The following LZTR1 variants were observed in gnomAD, a reference collection of about 807,000 sequenced individuals.
LZTR1 encodes the protein leucine-zipper-like transcriptional regulator 1.
A neutral mutation model predicts 105.7 loss-of-function variants in LZTR1; 260 were observed. That is an observed-to-expected ratio of 2.46 (90% CI 2.22 to 2.72). LZTR1 has a LOEUF of 2.72. Ranked by LOEUF, LZTR1 falls within the 30% of genes most tolerant of loss-of-function variation. LZTR1 has a pLI of 0.00. For missense variants in LZTR1, 1,214 were observed against 1,166.9 expected, an observed-to-expected ratio of 1.04 and a Z score of -0.59; for synonymous variants, 490 against 476.4, an observed-to-expected ratio of 1.03 and a Z score of -0.37.
Position 20,991,752 on chromosome 22 carries a change from A to T in LZTR1, c.916A>T (p.Thr306Ser). Residue 306 changes from threonine to serine, a missense_variant, in exon 9 of 21, where the codon ACG (threonine) becomes TCG (serine). Coordinates refer to ENST00000646124, the MANE Select transcript of LZTR1 (RefSeq NM_006767.4). ...LYVFGGAADN[T>S]LPNELHCYDV... ...TGTGTTTGGGGGTGCGGCCGACAAC[A>T]CGCTGCCCAACGAGCTGCACTGCTA... 1 of 1,562,488 alleles carries T rather than the reference A, an allele frequency of 6.4e-7. No individual in the cohort carries two copies. The highest frequency in any genetic ancestry group is 8.7e-7 in the Non-Finnish European group (1 of 1,153,218).
At chr22:20,983,973 T>G (rs1838348179) in intron 2 of LZTR1, among the ~76,000 whole-genome samples, 1 of 152,242 alleles carries the variant, frequency 6.6e-6, no homozygotes, top group Non-Finnish European at 1.5e-5. Flanking sequence ...CTGCTGCTCC[T>G]CTGCCCTCAG....
chr22:20,992,507 G>C, intron 10 of LZTR1, 138 bp downstream of exon 10: 1 of 1,028,164 alleles, frequency 9.7e-7, no homozygotes, highest in Non-Finnish European at 1.4e-6. Context: ...ACAGGGCCAA[G>C]GGCCCTCACC....
rs1194053386 is a variant in LZTR1 at position 20,989,608 on chromosome 22, G to A, written c.594-17G>A. 6.2e-7 allele frequency: 1 copy of A among 1,611,974 alleles called. No homozygotes were observed. Among genetic ancestry groups the A allele is most frequent in the Non-Finnish European group, 8.5e-7 (1 of 1,178,444 alleles). ...CCACCAGACCCAAGGGGTCCTCACT[G>A]GTCTGTCCTAATACAGGTTGAATGA... On this transcript the variant is annotated splice_polypyrimidine_tract_variant and intron_variant, in intron 6 of 20. Coordinates refer to ENST00000646124, the MANE Select transcript of LZTR1 (RefSeq NM_006767.4).
rs760641322 is a variant in LZTR1 at position 20,990,851 on chromosome 22, G to A, written c.791+326G>A. On this transcript the variant is annotated intron_variant, in intron 8 of 20. Coordinates refer to ENST00000646124, the MANE Select transcript of LZTR1 (RefSeq NM_006767.4). ...CCTGCATAGATCTCAAATAATGGCA[G>A]AAGACCAGAGGGGCCTGCAGGTCCT... 9 of 254,932 alleles carry A rather than the reference G, an allele frequency of 3.5e-5. No individual in the cohort carries two copies. The South Asian group carries it at 4.0e-4, about 11-fold the overall frequency. 15.8% of individuals were successfully genotyped at this position (254,932 alleles called of 1,614,324 possible). A position where few individuals can be genotyped will look rare whatever the true frequency, so the allele number is the denominator to read the frequency against.
chr22:20,997,021 C>T, intron 20 of LZTR1, 55 bp downstream of exon 20: 1 of 1,579,040 alleles, frequency 6.3e-7, no homozygotes. Flanking sequence ...GTGGCCATGC[C>T]CAGGCAGGGA....
intron 2 of LZTR1, among the ~76,000 whole-genome samples, chr22:20,985,138 G>A (rs1180384848): frequency 7.0e-6 from 1 of 143,430 alleles, no homozygotes; most frequent in Non-Finnish European, 1.5e-5. Context: ...TTGGCTCACT[G>A]CAACCTCTGC....
chr22:20,986,202 C>CAA (rs1924374236), intron 3 of LZTR1: 5 of 298,398 alleles, frequency 1.7e-5, no homozygotes, highest in Non-Finnish European at 3.1e-5. Flanking sequence ...TCTTTTCTCT[C>CAA]ACACTTGATT....
chr22:20,982,624 C>G (rs1036006344), intron 1 of LZTR1, 53 bp downstream of exon 1: 3 of 1,568,590 alleles, frequency 1.9e-6, no homozygotes, highest in South Asian at 1.1e-5. Flanking sequence ...CTGCGAGGGT[C>G]CCAGGGCGGG....
At chr22:20,983,243 C>T (rs1318997032) in intron 2 of LZTR1, 154 bp downstream of exon 2, 3 of 673,534 alleles carry the variant, frequency 4.5e-6, no homozygotes, top group Non-Finnish European at 8.0e-6. Flanking sequence ...GCACTCACCT[C>T]CCTGGTCGTG....
At position 20,996,672 on chromosome 22, in the gene LZTR1, G is replaced by A. The variant is rs55666489; in HGVS notation, c.2220-24G>A. On this transcript the variant is annotated intron_variant, in intron 18 of 20. Transcript: ENST00000646124. ...GGTGCGGGCGGACCAGCTTCCTTTA[G>A]TCAGCTCCTTAACCAGGCCCCAGCT... 5.0e-6 allele frequency: 8 copies of A among 1,608,028 alleles called. No homozygotes were observed. Among genetic ancestry groups the A allele is most frequent in the Non-Finnish European group, 6.8e-6 (8 of 1,175,164 alleles).
At chr22:20,987,654 C>T in intron 4 of LZTR1, 71 bp downstream of exon 4, 1 of 1,387,810 alleles carries the variant, frequency 7.2e-7, no homozygotes, top group South Asian at 1.2e-5. Context: ...TTCTGCAGGC[C>T]TGGGGCATTT....
intron 20 of LZTR1, 67 bp from the exon 21 acceptor site, chr22:20,997,165 C>A: frequency 8.2e-7 from 1 of 1,221,890 alleles, no homozygotes; most frequent in South Asian, 1.2e-5. Flanking sequence ...CCCCACAGGG[C>A]TCCACTGCCC....
In LZTR1 at chr22:20,994,852, T is replaced by C; in HGVS notation, c.1786-18T>C. ...CCTGGCTTGACTCTGCCTGCCTGCC[T>C]GTGCCTGTCTGCCCCAGGAGCACTG... On this transcript the variant is annotated intron_variant, in intron 15 of 20. Coordinates refer to ENST00000646124, the MANE Select transcript of LZTR1 (RefSeq NM_006767.4). 3 of 1,612,468 alleles carry C rather than the reference T, an allele frequency of 1.9e-6. No homozygotes were observed. The highest frequency in any genetic ancestry group is 2.5e-6 in the Non-Finnish European group (3 of 1,179,566).
rs199586863 is a variant in LZTR1, at chr22:20,996,793, G to A, written c.2317G>A (p.Val773Met). ...NLEMNVTVQN[V>M]LQILEAADKT... is the part of the protein sequence containing the mutation. ...GGAGATGAACGTGACGGTGCAGAACGTGCTGCAGGTAGCCCCCCAGCCCCG... is the reference window on the plus strand; with the variant it reads ...GGAGATGAACGTGACGGTGCAGAACATGCTGCAGGTAGCCCCCCAGCCCCG... The change falls in exon 19 of 21, where the codon GTG (valine) becomes ATG (methionine). Residue 773 changes from valine (V) to methionine (M), a missense_variant. Coordinates refer to ENST00000646124, the MANE Select transcript of LZTR1 (RefSeq NM_006767.4). The A allele has an allele frequency of 3.2e-5, 52 of 1,613,632 alleles. No homozygotes were observed. The highest frequency in any genetic ancestry group is 6.6e-5 in the South Asian group (6 of 91,088).
At chr22:20,987,637 C>G in intron 4 of LZTR1, 54 bp downstream of exon 4, 2 of 1,497,826 alleles carry the variant, frequency 1.3e-6, no homozygotes, top group South Asian at 1.1e-5. Flanking sequence ...CCACAGACAC[C>G]CTGCCCTTCT....
rs1924568324 is a variant in LZTR1 at position 20,990,481 on chromosome 22, CA to C, written c.751del (p.Ile251Ter). 8.1e-6 allele frequency: 13 copies of C among 1,613,714 alleles called. No individual in the cohort carries two copies. The highest frequency in any genetic ancestry group is 1.1e-5 in the Non-Finnish European group (13 of 1,179,906). Reference protein sequence around the residue: ...MFVFSGQSGAKITNNLFQFEF... With the variant: ...MFVFSGQSGAXITNNLFQFEF... ...TTGTATTCTCTGGGCAAAGCGGAGC[CA>C]AAATAACCAACAACCTCTTCCAGTT... On this transcript the variant is annotated frameshift_variant, in exon 8 of 21. Coordinates refer to ENST00000646124, the MANE Select transcript of LZTR1 (RefSeq NM_006767.4). LOFTEE classifies it high-confidence loss of function.
chr22:20,989,767 T>C (rs74818667), intron 7 of LZTR1, 85 bp downstream of exon 7: 532 of 986,822 alleles, frequency 5.4e-4, no homozygotes, highest in Middle Eastern at 1.0e-3. Flanking sequence ...GTGAGGGGCA[T>C]GGGGAGACAG....
chr22:20,994,034 C>T lies in LZTR1; in HGVS notation c.1449+15C>T, dbSNP rs373333790. The T allele has an allele frequency of 4.3e-5, 68 of 1,598,508 alleles. No homozygotes were observed. Among genetic ancestry groups the T allele is most frequent in the Non-Finnish European group, 4.9e-5 (57 of 1,174,434 alleles). ...GGCTGGCCCAGGTGAGGTGCCTAAC[C>T]GCCCTGCCCTGACCTGGCAGCCATG... On this transcript the variant is annotated intron_variant, in intron 13 of 20. Transcript: ENST00000646124.
rs1230203913 is a variant in LZTR1 at position 20,994,256 on chromosome 22, A to G, written c.1602A>G (p.Lys534=). ...LMQFLYTDKI[K]YPRKGHVEDV... is the part of the protein sequence containing the mutation. ...AGTTCCTCTACACCGACAAGATCAA[A>G]TACCCACGGAAAGGTCCGCCTGGGT... The change falls in exon 14 of 21, where the codon AAA becomes AAG. Residue 534 remains lysine, a synonymous_variant. Transcript: ENST00000646124. 1 of 1,598,484 alleles carries G rather than the reference A, an allele frequency of 6.3e-7. No individual in the cohort carries two copies. The highest frequency in any genetic ancestry group is 8.5e-7 in the Non-Finnish European group (1 of 1,179,458).
Sources: allele counts gnomAD v4.1 joint callset (sites outside exome capture counted in the v4.1 genomes callset), GRCh38; gene constraint gnomAD v4.1.1; transcripts MANE v1.5; gene names NCBI Gene and HGNC (gene_info 2026-07-23, HGNC 2026-07-21).